TMCO4: variants seen among roughly 807,000 people sequenced by gnomAD.
TMCO4 encodes transmembrane and coiled-coil domains 4.
Under a neutral mutation model 64.7 loss-of-function variants are expected in TMCO4, and 58 were observed. The observed-to-expected ratio is 0.90, with a 90% confidence interval of 0.73 to 1.12. The LOEUF (loss-of-function observed/expected upper bound fraction) is 1.12, where lower values mean the gene tolerates loss of function less well. Ranked by LOEUF, TMCO4 falls within the 50% of genes most tolerant of loss-of-function variation. TMCO4 has a pLI of 0.00. For missense variants in TMCO4, 780 were observed against 825.9 expected, an observed-to-expected ratio of 0.94 and a Z score of 0.68; for synonymous variants, 325 against 346.1, an observed-to-expected ratio of 0.94 and a Z score of 0.68.
intron 7 of TMCO4, among the ~76,000 whole-genome samples, chr1:19,751,309 AT>A (rs2042010368): frequency 6.6e-6 from 1 of 152,210 alleles, no homozygotes; most frequent in Non-Finnish European, 1.5e-5. Context: ...CTAAATAAAA[AT>A]ATATAGGCTG....
intron 4 of TMCO4, among the ~76,000 whole-genome samples, chr1:19,775,792 A>G (rs55944841): frequency 0.12 from 17,824 of 152,278 alleles, 1,140 homozygotes; most frequent in Non-Finnish European, 0.13. Flanking sequence ...AAAGAAATAA[A>G]TGTTTTAGAG....
chr1:19,789,023 C>A (rs956746041), intron 2 of TMCO4, among the ~76,000 whole-genome samples: 2 of 149,652 alleles, frequency 1.3e-5, no homozygotes, highest in African/African-American at 5.0e-5. Flanking sequence ...TGCAGTGAGC[C>A]GAGATCGCAT....
At position 19,684,063 on chromosome 1, in the gene TMCO4, C is replaced by CTTTT. The variant is rs3048209; in HGVS notation, c.1501-623_1501-620dup. Among the ~76,000 whole-genome samples, 495 of 70,300 alleles carry CTTTT rather than the reference C, an allele frequency of 7.0e-3. 9 individuals are homozygous for CTTTT. Among genetic ancestry groups the CTTTT allele is most frequent in the African/African-American group, 0.015 (219 of 14,518 alleles). The allele number at this position is 70,300 out of a possible 152,430, so 46.1% of individuals were successfully genotyped here. A position where few individuals can be genotyped will look rare whatever the true frequency, so the allele number is the denominator to read the frequency against. ...AGGCGTGAGCCACTGTGCCCGGCAG[C>CTTTT]TTTTTTTTTTTTTTTTTTTTTTTTT... is the stretch of plus-strand genomic sequence containing the variant. On this transcript the variant is annotated intron_variant, in intron 15 of 15. Coordinates refer to ENST00000294543, the MANE Select transcript of TMCO4 (RefSeq NM_181719.7).
chr1:19,719,309 A>G (rs2095370972), intron 13 of TMCO4, among the ~76,000 whole-genome samples: 1 of 152,170 alleles, frequency 6.6e-6, no homozygotes, highest in Non-Finnish European at 1.5e-5. Context: ...TCAGGTTGAG[A>G]TGGAAGGTCT....
chr1:19,795,445 C>T (rs1286518781), intron 2 of TMCO4, among the ~76,000 whole-genome samples: 1 of 152,002 alleles, frequency 6.6e-6, no homozygotes, highest in Non-Finnish European at 1.5e-5. Flanking sequence ...GCACTCCAGC[C>T]TGGGTGACAA....
chr1:19,765,448 TAGAG>T (rs74964607), intron 6 of TMCO4, among the ~76,000 whole-genome samples: 92,409 of 151,842 alleles, frequency 0.61, 29,546 homozygotes, highest in African/African-American at 0.82. Flanking sequence ...ATTGGCAACC[TAGAG>T]GACATTGGAG....
intron 15 of TMCO4, among the ~76,000 whole-genome samples, chr1:19,693,873 G>A (rs6672417): frequency 0.73 from 110,764 of 151,976 alleles, 41,328 homozygotes; most frequent in Non-Finnish European, 0.82. Flanking sequence ...GAGCTGAGAT[G>A]GGGCTGTTGG....
At position 19,745,633 on chromosome 1, in the gene TMCO4, C is replaced by T. The variant is rs767299062; in HGVS notation, c.776G>A (p.Arg259Gln). ...AGLTGYKMKK[R>Q]VGAIEEFTFL... ...CGTGAACTCTTCAATGGCTCCCACTCGCTTCTTCATCTTGTATCCTAAAGA... is the reference window on the plus strand; with the variant it reads ...CGTGAACTCTTCAATGGCTCCCACTTGCTTCTTCATCTTGTATCCTAAAGA... The change falls in exon 10 of 16, where the codon CGA (arginine) becomes CAA (glutamine). Residue 259 changes from arginine to glutamine, a missense_variant. Coordinates refer to ENST00000294543, the MANE Select transcript of TMCO4 (RefSeq NM_181719.7). The T allele has an allele frequency of 5.1e-5, 83 of 1,611,978 alleles. No homozygotes were observed. Among genetic ancestry groups the T allele is most frequent in the Non-Finnish European group, 6.1e-5 (72 of 1,178,788 alleles).
At chr1:19,725,090 C>T (rs889895087) in intron 13 of TMCO4, among the ~76,000 whole-genome samples, 3 of 152,194 alleles carry the variant, frequency 2.0e-5, no homozygotes, top group Admixed American at 2.0e-4. Flanking sequence ...ATGATCCTTG[C>T]ATCTTGAAGA....
chr1:19,702,269 G>C (rs910738315), intron 13 of TMCO4, among the ~76,000 whole-genome samples: 1 of 125,236 alleles, frequency 8.0e-6, no homozygotes, highest in Non-Finnish European at 1.6e-5. Context: ...GTGCCTGGCC[G>C]AGACTCTTGT....
intron 13 of TMCO4, among the ~76,000 whole-genome samples, chr1:19,719,445 G>A (rs1557507427): frequency 6.6e-6 from 1 of 152,184 alleles, no homozygotes; most frequent in African/African-American, 2.4e-5. Flanking sequence ...GGTAATAACA[G>A]ATAAACATAA....
rs1189926538 is a variant in TMCO4 at position 19,732,243 on chromosome 1, C to T, written c.1264+5129G>A. On this transcript the variant is annotated intron_variant, in intron 13 of 15. Coordinates refer to ENST00000294543, the MANE Select transcript of TMCO4 (RefSeq NM_181719.7). This position sits in a 1 kb window ranked among gnomAD's most constrained non-coding sequence, Gnocchi z 4.8. ...CTGGAGTGCAGTGGCACGATCATGG[C>T]TCACTGCATCTTCAACCTCCTGGGC... 2.0e-5 allele frequency among the ~76,000 whole-genome samples: 3 copies of T among 152,240 alleles called. No homozygotes were observed. The highest frequency in any genetic ancestry group is 4.4e-5 in the Non-Finnish European group (3 of 68,048).
chr1:19,721,354 C>T (rs1268511780), intron 13 of TMCO4, among the ~76,000 whole-genome samples: 4 of 152,186 alleles, frequency 2.6e-5, no homozygotes, highest in African/African-American at 9.7e-5. Flanking sequence ...GGAGCTTAGG[C>T]AGACAGTGTG....
intron 2 of TMCO4, among the ~76,000 whole-genome samples, chr1:19,792,416 C>T (rs987781226): frequency 2.0e-5 from 3 of 152,240 alleles, no homozygotes; most frequent in African/African-American, 7.2e-5. Flanking sequence ...AAAGAAAATG[C>T]TGACTGGGTC....
rs1187018442 is a variant in TMCO4 at position 19,743,495 on chromosome 1, T to C, written c.877+2037A>G. Among the ~76,000 whole-genome samples the C allele has an allele frequency of 6.6e-6, 1 of 152,186 alleles. No individual in the cohort carries two copies. The highest frequency in any genetic ancestry group is 1.5e-5 in the Non-Finnish European group (1 of 68,026). ...TATTTTTTCCTTCTGAAACTTTCTCTAGCTTGGTTGTATTTCTTTTACCCA... is the reference window on the plus strand; with the variant it reads ...TATTTTTTCCTTCTGAAACTTTCTCCAGCTTGGTTGTATTTCTTTTACCCA... On this transcript the variant is annotated intron_variant, in intron 10 of 15. Coordinates refer to ENST00000294543, the MANE Select transcript of TMCO4 (RefSeq NM_181719.7). This position sits in a 1 kb window ranked among gnomAD's most constrained non-coding sequence, Gnocchi z 4.1.
chr1:19,690,866 C>CTTTT (rs34764589), intron 15 of TMCO4, among the ~76,000 whole-genome samples: 3 of 111,282 alleles, frequency 2.7e-5, no homozygotes, highest in East Asian at 2.4e-4. Context: ...TGTGAAGACT[C>CTTTT]TTTTTTTTTT....
At chr1:19,720,712 A>C (rs1241846538) in intron 13 of TMCO4, among the ~76,000 whole-genome samples, 1 of 152,212 alleles carries the variant, frequency 6.6e-6, no homozygotes, top group East Asian at 1.9e-4. Context: ...ATGAAGGCCT[A>C]GTAGAGACCC....
At chr1:19,770,991 T>G (rs1219517858) in intron 5 of TMCO4, among the ~76,000 whole-genome samples, 1 of 152,194 alleles carries the variant, frequency 6.6e-6, no homozygotes, top group Admixed American at 6.5e-5. Flanking sequence ...CTGTGTGACC[T>G]TGGGCAAGTT....
chr1:19,794,359 T>C (rs1176896941), intron 2 of TMCO4, among the ~76,000 whole-genome samples: 3 of 152,222 alleles, frequency 2.0e-5, no homozygotes, highest in Non-Finnish European at 4.4e-5. Flanking sequence ...ATTGATCGCT[T>C]ATCTTCGATC....
Sources: gnomAD v4.1 joint callset for allele counts (sites outside exome capture counted in the v4.1 genomes callset) on GRCh38, gnomAD v4.1.1 for gene constraint, Gnocchi (gnomAD v3.1) non-coding constraint, MANE v1.5 for transcripts, NCBI Gene and HGNC (gene_info 2026-07-23, HGNC 2026-07-21) for gene names.